The following HTR2C variants were observed in gnomAD, a reference collection of about 807,000 sequenced individuals.
HTR2C encodes the protein 5-hydroxytryptamine receptor 2C, also known as 5-hydroxytryptamine (serotonin) receptor 2C, G protein-coupled.
HTR2C carries 5 observed loss-of-function variants against 21.0 expected under a neutral mutation model. The observed-to-expected ratio is 0.24, with a 90% CI of 0.12 to 0.50. The LOEUF is 0.50. Ranked by LOEUF, HTR2C falls within the 20% of genes least tolerant of loss-of-function variation. The pLI is 0.98. For synonymous variants in HTR2C, 150 were observed against 145.3 expected, an observed-to-expected ratio of 1.03 and a Z score of -0.23; for missense variants, 271 against 371.2, an observed-to-expected ratio of 0.73 and a Z score of 2.22.
At chrX:114,742,739 T>A (rs1412448395) in intron 4 of HTR2C, among the ~76,000 whole-genome samples, 1 of 94,245 alleles carries the variant, frequency 1.1e-5, no homozygotes, top group Non-Finnish European at 2.1e-5. Flanking sequence ...TTTTTTTTTT[T>A]TTATTATACT....
At chrX:114,830,582 CTTTT>C (rs1372029761) in intron 4 of HTR2C, among the ~76,000 whole-genome samples, 1 of 108,149 alleles carries the variant, frequency 9.2e-6, no homozygotes, top group Non-Finnish European at 1.9e-5. Flanking sequence ...TAATTGGTAA[CTTTT>C]TATTTTTTTA....
At chrX:114,813,957 T>G (rs1347087273) in intron 4 of HTR2C, among the ~76,000 whole-genome samples, 3 of 111,503 alleles carry the variant, frequency 2.7e-5, no homozygotes, top group African/African-American at 9.8e-5. Context: ...TACAGATATA[T>G]GTAAGGTACT....
chrX:114,776,582 TTGG>T (rs1429811294), intron 4 of HTR2C: 1 of 522,212 alleles, frequency 1.9e-6, no homozygotes, highest in Non-Finnish European at 3.5e-6. Flanking sequence ...AAAAACCGTG[TTGG>T]TGGGGTTCAT....
chrX:114,801,413 G>C (rs189194798), intron 4 of HTR2C, among the ~76,000 whole-genome samples: 1 of 111,122 alleles, frequency 9.0e-6, no homozygotes, highest in Non-Finnish European at 1.9e-5. Flanking sequence ...AGTAATTTTC[G>C]TGCATGACTC....
intron 4 of HTR2C, chrX:114,763,041 T>A (rs1410486525): frequency 8.4e-6 from 1 of 118,702 alleles, no homozygotes; most frequent in Non-Finnish European, 1.9e-5. Flanking sequence ...GGAGCACACA[T>A]GTATCCACCA....
chrX:114,620,143 G>A (rs1929101622), intron 2 of HTR2C, among the ~76,000 whole-genome samples: 1 of 111,712 alleles, frequency 9.0e-6, no homozygotes, highest in Non-Finnish European at 1.9e-5. Flanking sequence ...CCTCAACAAA[G>A]GGTTGTATAT....
intron 2 of HTR2C, among the ~76,000 whole-genome samples, chrX:114,616,480 T>A (rs1242867736): frequency 9.1e-6 from 1 of 110,317 alleles, no homozygotes; most frequent in East Asian, 2.9e-4. Context: ...AGAGACAGGG[T>A]TTCACCATGT....
intron 2 of HTR2C, among the ~76,000 whole-genome samples, chrX:114,687,957 A>G (rs995509222): frequency 3.6e-5 from 4 of 111,864 alleles, no homozygotes; most frequent in African/African-American, 6.5e-5. Context: ...TTGTTATCCA[A>G]CGTCTCAGAG....
At chrX:114,786,155 T>A (rs782111015) in intron 4 of HTR2C, among the ~76,000 whole-genome samples, 257 of 111,741 alleles carry the variant, frequency 2.3e-3, no homozygotes, top group African/African-American at 7.5e-3. Flanking sequence ...CTGGCAAAAA[T>A]TAAAAGTGTG....
chrX:114,854,604 A>T (rs1271926599), intron 5 of HTR2C, among the ~76,000 whole-genome samples: 3 of 111,374 alleles, frequency 2.7e-5, no homozygotes, highest in Non-Finnish European at 5.7e-5. Context: ...TAAATGTAAT[A>T]TCTGAAACTA....
chrX:114,834,046 T>A (rs1165354120), intron 4 of HTR2C, among the ~76,000 whole-genome samples: 2 of 111,294 alleles, frequency 1.8e-5, no homozygotes, highest in African/African-American at 6.5e-5. Context: ...TCTAGTTTGA[T>A]TGCAGTGTGG....
intron 5 of HTR2C, among the ~76,000 whole-genome samples, chrX:114,857,220 G>T (rs185800647): frequency 9.0e-6 from 1 of 110,719 alleles, no homozygotes; most frequent in Admixed American, 9.7e-5. Context: ...CCTTCCAATT[G>T]CTTATATACT....
At chrX:114,671,986 CCTT>C (rs1183498108) in intron 2 of HTR2C, among the ~76,000 whole-genome samples, 1 of 111,343 alleles carries the variant, frequency 9.0e-6, no homozygotes, top group Non-Finnish European at 1.9e-5. Flanking sequence ...TTTGTCTTCT[CCTT>C]CTTTCTCAAT....
intron 4 of HTR2C, among the ~76,000 whole-genome samples, chrX:114,739,407 A>G: frequency 8.9e-6 from 1 of 112,106 alleles, no homozygotes; most frequent in East Asian, 2.8e-4. Flanking sequence ...CTATTAAAAA[A>G]TAAGATATTC....
chrX:114,715,893 G>A (rs1488493895), intron 2 of HTR2C, among the ~76,000 whole-genome samples: 1 of 112,266 alleles, frequency 8.9e-6, no homozygotes, highest in African/African-American at 3.2e-5. Flanking sequence ...TGGAGCAGGG[G>A]CCTGGTTTAC....
intron 5 of HTR2C, among the ~76,000 whole-genome samples, chrX:114,866,173 T>C (rs1556474549): frequency 9.0e-6 from 1 of 111,445 alleles, no homozygotes; most frequent in East Asian, 2.8e-4. Context: ...AATTTCTTAA[T>C]AGTCTCTATG....
At chrX:114,776,212 C>A in intron 4 of HTR2C, 1 of 561,767 alleles carries the variant, frequency 1.8e-6, no homozygotes, top group South Asian at 2.2e-5. Context: ...CAGCTCCAAC[C>A]TTTTTGTCTA....
At chrX:114,755,245 A>C (rs1556429703) in intron 4 of HTR2C, among the ~76,000 whole-genome samples, 2 of 109,890 alleles carry the variant, frequency 1.8e-5, no homozygotes, top group Non-Finnish European at 3.8e-5. Context: ...CATCTAAAAA[A>C]AAAAAAAAAA....
chrX:114,758,788 C>G (rs1238569516), intron 4 of HTR2C, among the ~76,000 whole-genome samples: 3 of 111,402 alleles, frequency 2.7e-5, no homozygotes, highest in Non-Finnish European at 5.7e-5. Context: ...AGAATTACAT[C>G]CAGGCACAGA....
Sources: allele counts gnomAD v4.1 joint callset (sites outside exome capture counted in the v4.1 genomes callset), GRCh38; gene constraint gnomAD v4.1.1; transcripts MANE v1.5; gene names NCBI Gene and HGNC (gene_info 2026-07-23, HGNC 2026-07-21).